DLG2: variants seen among roughly 807,000 people sequenced by gnomAD.
The protein encoded by DLG2 is disks large homolog 2.
Under a neutral mutation model 132.5 loss-of-function variants are expected in DLG2, and 45 were observed. The ratio of observed to expected loss-of-function variants is 0.34; its 90% CI spans 0.27 to 0.44. DLG2 has a LOEUF of 0.44. DLG2 is among the 20% of genes least tolerant of loss of function. The pLI is 1.00. For missense variants in DLG2, 1,045 were observed against 1,196.9 expected (o/e 0.87, Z 1.87); for synonymous variants, 424 against 419.6 (o/e 1.01, Z -0.13).
Position 83,739,942 on chromosome 11 carries a change from C to T in DLG2, c.1825+46748G>A, listed in dbSNP as rs1448013553. Among the ~76,000 whole-genome samples, 5 of 152,052 alleles carry T rather than the reference C, an allele frequency of 3.3e-5. 1 individual carries two copies. The highest frequency in any genetic ancestry group is 7.4e-5 in the Non-Finnish European group (5 of 68,016). The stretch of plus-strand genomic sequence containing the variant: ...CCCAAGCATCTGGGTGGATGGAGAA[C>T]CTCTGAGGAGAGCAAATTTTAGAGG... On this transcript the variant is annotated intron_variant, in intron 18 of 27. Coordinates refer to ENST00000376104, the MANE Select transcript of DLG2 (RefSeq NM_001142699.3).
chr11:83,827,115 T>G (rs1048549259), intron 17 of DLG2, among the ~76,000 whole-genome samples: 10 of 152,138 alleles, frequency 6.6e-5, no homozygotes, highest in Non-Finnish European at 7.4e-5. Flanking sequence ...GCATGGTGAC[T>G]GGAAGGGATG....
At chr11:85,435,862 T>C (rs1409044104) in intron 3 of DLG2, among the ~76,000 whole-genome samples, 1 of 152,154 alleles carries the variant, frequency 6.6e-6, no homozygotes, top group Non-Finnish European at 1.5e-5. Flanking sequence ...AAGACAATCC[T>C]AAGCAAAAAG....
rs528045529 is a variant in DLG2 at position 84,508,437 on chromosome 11, G to A, written c.519+26133C>T. 1.7e-4 allele frequency among the ~76,000 whole-genome samples: 23 copies of A among 137,096 alleles called. 1 individual carries two copies. In the South Asian group the frequency reaches 3.8e-3, roughly 23 times the overall value. 89.9% of individuals were successfully genotyped at this position (137,096 alleles called of 152,430 possible). The stretch of plus-strand genomic sequence containing the variant: ...TTTTCTCTTTTTTAGACAGAGTCTC[G>A]CTGTTGCCAGGCTGGAGTGCAGTGG... On this transcript the variant is annotated intron_variant, in intron 7 of 27. Transcript: ENST00000376104.
chr11:83,757,377 G>T (rs2093693530), intron 18 of DLG2, among the ~76,000 whole-genome samples: 1 of 152,190 alleles, frequency 6.6e-6, no homozygotes, highest in South Asian at 2.1e-4. Flanking sequence ...TTTACATTCT[G>T]AAACTTTTCA....
chr11:83,828,548 G>A (rs2053552177), intron 17 of DLG2, among the ~76,000 whole-genome samples: 1 of 152,134 alleles, frequency 6.6e-6, no homozygotes, highest in Non-Finnish European at 1.5e-5. Flanking sequence ...ATGTTTTTTA[G>A]AAGTTCTTCA....
chr11:85,537,309 G>A lies in DLG2; in HGVS notation c.40+61348C>T, dbSNP rs548308805. On this transcript the variant is annotated intron_variant, in intron 3 of 27. Transcript: ENST00000376104. Reference sequence around the variant, plus strand: ...AAAAGCAGGCGACCAGAGCCAGCAGGGGCAACTGGCTCAGGTCACTTTCCA... The same window carrying A: ...AAAAGCAGGCGACCAGAGCCAGCAGAGGCAACTGGCTCAGGTCACTTTCCA... Among the ~76,000 whole-genome samples, 519 of 152,320 alleles carry A rather than the reference G, an allele frequency of 3.4e-3. 4 individuals carry two copies. The highest frequency in any genetic ancestry group is 5.4e-3 in the Non-Finnish European group (370 of 68,032).
intron 18 of DLG2, among the ~76,000 whole-genome samples, chr11:83,775,985 G>A (rs970752036): frequency 2.0e-5 from 3 of 152,080 alleles, no homozygotes; most frequent in African/African-American, 4.8e-5. Context: ...CCAGCTACTC[G>A]GGAGGCTGAG....
At chr11:85,456,355 T>C (rs1238210922) in intron 3 of DLG2, among the ~76,000 whole-genome samples, 1 of 152,168 alleles carries the variant, frequency 6.6e-6, no homozygotes, top group Non-Finnish European at 1.5e-5. Context: ...ATTTTCTATA[T>C]TTTCTTCTTT....
At chr11:84,214,230 CATATATATGAATATATATAT>C (rs1566951129) in intron 8 of DLG2, among the ~76,000 whole-genome samples, 8 of 129,992 alleles carry the variant, frequency 6.2e-5, no homozygotes, top group South Asian at 4.4e-4. Context: ...TACATATATA[CATATATATGAATATATATAT>C]ACATATATAT....
intron 8 of DLG2, among the ~76,000 whole-genome samples, chr11:84,207,804 C>G (rs1176637858): frequency 6.6e-6 from 1 of 152,088 alleles, no homozygotes; most frequent in African/African-American, 2.4e-5. Context: ...ATGTAAATGT[C>G]TCATCAAAAG....
At chr11:84,096,425 G>T (rs950796462) in intron 10 of DLG2, among the ~76,000 whole-genome samples, 1 of 152,170 alleles carries the variant, frequency 6.6e-6, no homozygotes, top group Non-Finnish European at 1.5e-5. Flanking sequence ...CTGTAGGCAT[G>T]GGGCTGCCAC....
chr11:84,678,682 C>G (rs952274794), intron 6 of DLG2, among the ~76,000 whole-genome samples: 1 of 152,050 alleles, frequency 6.6e-6, no homozygotes, highest in African/African-American at 2.4e-5. Flanking sequence ...CATCGCTCAA[C>G]AGCTAGCCAG....
chr11:84,346,995 A>C (rs1447801003), intron 7 of DLG2, among the ~76,000 whole-genome samples: 1 of 152,184 alleles, frequency 6.6e-6, no homozygotes, highest in African/African-American at 2.4e-5. Context: ...AATTGCAGAT[A>C]ATATTTAAAA....
intron 4 of DLG2, among the ~76,000 whole-genome samples, chr11:85,176,618 C>G (rs2079266064): frequency 6.6e-6 from 1 of 152,114 alleles, no homozygotes; most frequent in Admixed American, 6.6e-5. Context: ...CAAATGGGAT[C>G]TAATTTAACT....
At chr11:85,005,419 G>C (rs1289247962) in intron 6 of DLG2, among the ~76,000 whole-genome samples, 2 of 152,124 alleles carry the variant, frequency 1.3e-5, no homozygotes, top group East Asian at 3.9e-4. Flanking sequence ...GTGGTATGTA[G>C]TTCTCCTTGA....
chr11:83,486,707 C>T (rs1383653570), intron 21 of DLG2, among the ~76,000 whole-genome samples: 1 of 151,964 alleles, frequency 6.6e-6, no homozygotes, highest in Admixed American at 6.6e-5. Flanking sequence ...AAGTATCTAA[C>T]ATGTCAGTCT....
rs558597260 is a variant in DLG2, at chr11:84,533,905, CAAAAAAAAAAAAAAAAAAAAAA to C, written c.519+643_519+664del. Reference sequence around the variant, plus strand: ...CAAAATCCAGTAGCGCCAGTTCAGCCAAAAAAAAAAAAAAAAAAAAAAAAAAAAAAAATCAGAGTAATTTGCA... The same window carrying C: ...CAAAATCCAGTAGCGCCAGTTCAGCCAAAAAAAAAATCAGAGTAATTTGCA... On this transcript the variant is annotated intron_variant, in intron 7 of 27. Transcript: ENST00000376104. Among the ~76,000 whole-genome samples, 6 of 70,282 alleles carry C rather than the reference CAAAAAAAAAAAAAAAAAAAAAA, an allele frequency of 8.5e-5. No individual in the cohort carries two copies. In the Admixed American group the frequency reaches 1.0e-3, roughly 12 times the overall value. The allele number at this position is 70,282 out of a possible 152,430, so 46.1% of individuals were successfully genotyped here.
intron 7 of DLG2, among the ~76,000 whole-genome samples, chr11:84,331,006 T>G (rs2098455912): frequency 6.6e-6 from 1 of 152,226 alleles, no homozygotes; most frequent in South Asian, 2.1e-4. Flanking sequence ...ATCACGATTT[T>G]GAGAGGTCTG....
intron 3 of DLG2, among the ~76,000 whole-genome samples, chr11:85,396,825 G>A (rs2087426958): frequency 6.6e-6 from 1 of 152,200 alleles, no homozygotes; most frequent in African/African-American, 2.4e-5. Context: ...AAGTGATGCG[G>A]AGAATTGAAC....
Sources: gnomAD v4.1 joint callset for allele counts (sites outside exome capture counted in the v4.1 genomes callset) on GRCh38, gnomAD v4.1.1 for gene constraint, MANE v1.5 for transcripts, NCBI Gene and HGNC (gene_info 2026-07-23, HGNC 2026-07-21) for gene names.